Variants in CREB5 observed in about 807,000 individuals in gnomAD.
The protein encoded by CREB5 is cAMP responsive element binding protein 5.
Under a neutral mutation model 57.1 loss-of-function variants are expected in CREB5, and 19 were observed. The ratio of observed to expected loss-of-function variants is 0.33; its 90% CI spans 0.23 to 0.49. The LOEUF (loss-of-function observed/expected upper bound fraction) is 0.49, where lower values mean the gene tolerates loss of function less well. CREB5 is among the 20% of genes least tolerant of loss of function. The probability of loss-of-function intolerance (pLI) is 0.99; values close to 1 mark genes in which losing one functional copy is unlikely to be tolerated. For synonymous variants in CREB5, 238 were observed against 238.3 expected (o/e 1.00, Z 0.01); for missense variants, 579 against 671.6 (o/e 0.86, Z 1.52).
chr7:28,448,916 C>T (rs1224367606), intron 1 of CREB5, among the ~76,000 whole-genome samples: 3 of 152,218 alleles, frequency 2.0e-5, no homozygotes, highest in South Asian at 2.1e-4. Context: ...GGATGCAGGC[C>T]GTTGTGACTT....
chr7:28,804,631 T>C, intron 8 of CREB5, 109 bp downstream of exon 8: 7 of 1,347,464 alleles, frequency 5.2e-6, no homozygotes, highest in Non-Finnish European at 7.3e-6. Flanking sequence ...CCAGGTGTTC[T>C]ATCTCACATT....
chr7:28,501,756 G>T (rs1792283197), intron 3 of CREB5, among the ~76,000 whole-genome samples: 1 of 152,172 alleles, frequency 6.6e-6, no homozygotes, highest in Non-Finnish European at 1.5e-5. Flanking sequence ...TGAAATTGTG[G>T]CTTGATTGCA....
intron 5 of CREB5, among the ~76,000 whole-genome samples, chr7:28,594,251 T>C (rs1796622679): frequency 6.6e-6 from 1 of 152,208 alleles, no homozygotes; most frequent in Non-Finnish European, 1.5e-5. Context: ...CTTAACCTCA[T>C]AGGTGAAGTA....
chr7:28,484,936 C>G (rs1415227427), intron 1 of CREB5, among the ~76,000 whole-genome samples: 1 of 152,146 alleles, frequency 6.6e-6, no homozygotes, highest in East Asian at 1.9e-4. Context: ...CTTCAAGCAC[C>G]AGCATCATCC....
chr7:28,427,858 A>G (rs146675870), intron 1 of CREB5, among the ~76,000 whole-genome samples: 1 of 152,346 alleles, frequency 6.6e-6, no homozygotes, highest in East Asian at 1.9e-4. Context: ...AGCCAAGTGC[A>G]TCACTAAAGG....
rs146592478 is a variant in CREB5, at chr7:28,607,207, T to G, written c.464+36670T>G. The stretch of plus-strand genomic sequence containing the variant: ...TTCTGCTCATCTTTTTAGACCTATT[T>G]TACAGAGAGTGTAGCTGATTGGCAA... On this transcript the variant is annotated intron_variant, in intron 5 of 10. Coordinates refer to ENST00000357727, the MANE Select transcript of CREB5 (RefSeq NM_182898.4). Among the ~76,000 whole-genome samples the G allele has an allele frequency of 8.5e-5, 13 of 152,298 alleles. No individual in the cohort carries two copies. The East Asian group carries it at 2.3e-3, about 27-fold the overall frequency.
intron 7 of CREB5, among the ~76,000 whole-genome samples, chr7:28,764,885 C>T (rs1805878737): frequency 1.3e-5 from 2 of 152,190 alleles, no homozygotes; most frequent in African/African-American, 4.8e-5. Context: ...GTTACCGTCT[C>T]ATAAATTATC....
intron 7 of CREB5, among the ~76,000 whole-genome samples, chr7:28,745,759 G>A (rs77030562): frequency 6.6e-6 from 1 of 152,148 alleles, no homozygotes; most frequent in African/African-American, 2.4e-5. Flanking sequence ...CTTACCCCTG[G>A]CAGTCCTTGA....
At chr7:28,611,709 TAAATA>T (rs1031912936) in intron 5 of CREB5, among the ~76,000 whole-genome samples, 1 of 146,950 alleles carries the variant, frequency 6.8e-6, no homozygotes, top group African/African-American at 2.6e-5. Flanking sequence ...AATAAATAAA[TAAATA>T]AAATATATAT....
intron 5 of CREB5, among the ~76,000 whole-genome samples, chr7:28,704,744 A>C (rs966605614): frequency 6.6e-6 from 1 of 152,176 alleles, no homozygotes; most frequent in Non-Finnish European, 1.5e-5. Context: ...GATGTGAGCC[A>C]CTGCACCCAG....
intron 4 of CREB5, among the ~76,000 whole-genome samples, chr7:28,516,832 A>G (rs190389565): frequency 6.6e-6 from 1 of 152,328 alleles, no homozygotes; most frequent in East Asian, 1.9e-4. Flanking sequence ...ATTAACCCAA[A>G]TGGAATCACA....
chr7:28,444,235 A>G (rs773154236), intron 1 of CREB5, among the ~76,000 whole-genome samples: 1 of 152,182 alleles, frequency 6.6e-6, no homozygotes, highest in Non-Finnish European at 1.5e-5. Context: ...TTGATCTGGC[A>G]TAAAATATTA....
At position 28,802,249 on chromosome 7, in the gene CREB5, G is replaced by A. The variant is rs111689739; in HGVS notation, c.703-1950G>A. Among the ~76,000 whole-genome samples, 37 of 152,120 alleles carry A rather than the reference G, an allele frequency of 2.4e-4. 1 individual carries two copies. Among genetic ancestry groups the A allele is most frequent in the South Asian group, 1.5e-3 (7 of 4,816 alleles). On this transcript the variant is annotated intron_variant, in intron 7 of 10. Transcript: ENST00000357727. ...AAGTAGACTATGTGGCTACCGAATC[G>A]GGATGACAAAAATATTTTAAATGAT...
intron 1 of CREB5, among the ~76,000 whole-genome samples, chr7:28,450,830 G>A (rs1789760584): frequency 6.6e-6 from 1 of 152,124 alleles, no homozygotes; most frequent in Admixed American, 6.5e-5. Context: ...TGATGTGATC[G>A]GGTGTTTGGA....
intron 5 of CREB5, among the ~76,000 whole-genome samples, chr7:28,573,859 A>T (rs1795799269): frequency 6.6e-6 from 1 of 152,202 alleles, no homozygotes; most frequent in Non-Finnish European, 1.5e-5. Context: ...CCAAAGAAGT[A>T]ATGTTAAAAG....
intron 5 of CREB5, chr7:28,685,982 G>A (rs527624507): frequency 1.3e-5 from 8 of 631,728 alleles, no homozygotes; most frequent in Non-Finnish European, 2.2e-5. Flanking sequence ...CCAGGAGAAA[G>A]AGAGCAAGTG....
chr7:28,421,619 G>A (rs1788249078), intron 1 of CREB5, among the ~76,000 whole-genome samples: 1 of 151,978 alleles, frequency 6.6e-6, no homozygotes, highest in Non-Finnish European at 1.5e-5. Flanking sequence ...ACGTAACACT[G>A]CATGCCTCTT....
intron 1 of CREB5, among the ~76,000 whole-genome samples, chr7:28,453,466 C>T (rs1789932800): frequency 2.0e-5 from 3 of 152,158 alleles, no homozygotes; most frequent in Admixed American, 2.0e-4. Flanking sequence ...AAAACCCACA[C>T]AGAGACATTT....
intron 4 of CREB5, among the ~76,000 whole-genome samples, chr7:28,540,408 G>A (rs1172884291): frequency 1.3e-5 from 2 of 152,274 alleles, no homozygotes; most frequent in Non-Finnish European, 2.9e-5. Context: ...AGGGCAGGGT[G>A]GAAGGAGGAG....
Sources: allele counts gnomAD v4.1 joint callset (sites outside exome capture counted in the v4.1 genomes callset), GRCh38; gene constraint gnomAD v4.1.1; transcripts MANE v1.5; gene names NCBI Gene and HGNC (gene_info 2026-07-23, HGNC 2026-07-21).